FA2H: variants seen among roughly 807,000 people sequenced by gnomAD.
The protein encoded by FA2H is fatty acid alpha-hydroxylase.
A neutral mutation model predicts 44.9 loss-of-function variants in FA2H; 22 were observed. The observed-to-expected ratio is 0.49, with a 90% CI of 0.35 to 0.70. The LOEUF (loss-of-function observed/expected upper bound fraction) is 0.70, where lower values mean the gene tolerates loss of function less well. Among genes scored for constraint, FA2H ranks in the 30% least tolerant of loss-of-function variants. The probability of loss-of-function intolerance (pLI) is 0.01; values close to 1 mark genes in which losing one functional copy is unlikely to be tolerated. For missense variants in FA2H, 501 were observed against 504.9 expected (o/e 0.99, Z 0.07); for synonymous variants, 243 against 213.2 (o/e 1.14, Z -1.22).
intron 1 of FA2H, among the ~76,000 whole-genome samples, chr16:74,744,265 C>A (rs7190793): frequency 0.082 from 12,436 of 152,016 alleles, 543 homozygotes; most frequent in East Asian, 0.17. Context: ...AGGGTACAAC[C>A]CCAGCTTTAA....
At chr16:74,731,720 G>A (rs567519594) in intron 2 of FA2H, among the ~76,000 whole-genome samples, 1 of 152,092 alleles carries the variant, frequency 6.6e-6, no homozygotes, top group Admixed American at 6.5e-5. Flanking sequence ...TTCTTCCTTT[G>A]TCTTGTTTGT....
chr16:74,734,051 C>T (rs1326309334), intron 2 of FA2H, among the ~76,000 whole-genome samples: 1 of 152,222 alleles, frequency 6.6e-6, no homozygotes, highest in African/African-American at 2.4e-5. Context: ...ACTCCCACCA[C>T]ATTAGTGGGT....
intron 1 of FA2H, among the ~76,000 whole-genome samples, chr16:74,747,244 G>C (rs1001736127): frequency 6.6e-6 from 1 of 152,016 alleles, no homozygotes; most frequent in African/African-American, 2.4e-5. Flanking sequence ...CCAGGAAATG[G>C]AGGCTGCAGT....
At chr16:74,757,968 G>A (rs931452102) in intron 1 of FA2H, among the ~76,000 whole-genome samples, 8 of 152,128 alleles carry the variant, frequency 5.3e-5, no homozygotes, top group African/African-American at 1.9e-4. Flanking sequence ...GCAGTGAGCT[G>A]AGATAGCACC....
intron 2 of FA2H, among the ~76,000 whole-genome samples, chr16:74,729,755 C>T (rs894427595): frequency 1.3e-4 from 20 of 152,188 alleles, no homozygotes; most frequent in South Asian, 8.3e-4. Context: ...AGATCCTGGA[C>T]GTGCATCTTT....
intron 2 of FA2H, among the ~76,000 whole-genome samples, chr16:74,739,674 C>T (rs1311923546): frequency 6.6e-6 from 1 of 152,186 alleles, no homozygotes; most frequent in African/African-American, 2.4e-5. Context: ...TACCTTGTGC[C>T]CTGGTCAAAA....
intron 2 of FA2H, among the ~76,000 whole-genome samples, chr16:74,731,290 A>G (rs1597549960): frequency 7.1e-6 from 1 of 140,340 alleles, no homozygotes; most frequent in Admixed American, 7.1e-5. Flanking sequence ...GCCCACCACC[A>G]CGTCTGGCTT....
chr16:74,762,490 C>A (rs1962732802), intron 1 of FA2H, among the ~76,000 whole-genome samples: 1 of 152,182 alleles, frequency 6.6e-6, no homozygotes, highest in Admixed American at 6.5e-5. Flanking sequence ...CCTCTCCCAA[C>A]CCCTTGTCCT....
chr16:74,754,664 A>G (rs796171239), intron 1 of FA2H, among the ~76,000 whole-genome samples: 31 of 152,076 alleles, frequency 2.0e-4, no homozygotes, highest in African/African-American at 7.0e-4. Context: ...AGTAGCTGAG[A>G]CTACAGGTGC....
intron 1 of FA2H, among the ~76,000 whole-genome samples, 168 bp downstream of exon 1, chr16:74,774,318 G>A (rs900338381): frequency 3.3e-5 from 5 of 152,082 alleles, no homozygotes; most frequent in Admixed American, 1.3e-4. Context: ...AGGGGTTGGA[G>A]GGGACGACAG....
At chr16:74,728,533 T>G (rs565321272) in intron 2 of FA2H, among the ~76,000 whole-genome samples, 25 of 152,130 alleles carry the variant, frequency 1.6e-4, no homozygotes, top group Non-Finnish European at 3.7e-4. Flanking sequence ...GTTGTGGCCT[T>G]TCTGGCACCT....
intron 4 of FA2H, among the ~76,000 whole-genome samples, chr16:74,723,841 A>G (rs1961891428): frequency 6.6e-6 from 1 of 152,140 alleles, no homozygotes; most frequent in African/African-American, 2.4e-5. Context: ...GTTAGGATGG[A>G]GGTAACAGAG....
At chr16:74,734,407 G>A (rs1352691335) in intron 2 of FA2H, among the ~76,000 whole-genome samples, 1 of 152,238 alleles carries the variant, frequency 6.6e-6, no homozygotes, top group Non-Finnish European at 1.5e-5. Flanking sequence ...GGGATTTTTT[G>A]GTGATTCAAA....
intron 4 of FA2H, 60 bp downstream of exon 4, chr16:74,726,165 G>T: frequency 2.6e-6 from 3 of 1,154,740 alleles, no homozygotes; most frequent in Non-Finnish European, 3.9e-6. Context: ...GCCAGGGAAA[G>T]CACTGAGGTC....
At chr16:74,763,376 G>A (rs1962747222) in intron 1 of FA2H, among the ~76,000 whole-genome samples, 2 of 151,978 alleles carry the variant, frequency 1.3e-5, no homozygotes, top group Admixed American at 1.3e-4. Flanking sequence ...TCGTATCTCA[G>A]CCTTCCGAGT....
At position 74,713,553 on chromosome 16, in the gene FA2H, C is replaced by G. The variant is rs56033857; in HGVS notation, c.*637G>C. 46,339 of 152,322 alleles carry G rather than the reference C, an allele frequency of 0.3. 7,666 individuals are homozygous for G. The highest frequency in any genetic ancestry group is 0.36 in the Non-Finnish European group (24,817 of 68,080). The allele number at this position is 152,322 out of a possible 1,614,324, so 9.4% of individuals were successfully genotyped here. On this transcript the variant is annotated 3_prime_UTR_variant, in exon 7 of 7. Coordinates refer to ENST00000219368, the MANE Select transcript of FA2H (RefSeq NM_024306.5). The stretch of plus-strand genomic sequence containing the variant: ...GGGGAGGGACGGCAAGAAAAGCTGC[C>G]AGGTCCTAAAGCAAGCAGCTGGGAC...
In FA2H at chr16:74,726,295, C is replaced by G. The variant is rs750511573; in HGVS notation, c.543G>C (p.Leu181=). ...TTCGGTAGTAGGACCAGCTGAGATA[C>G]AGCACCAGGGGCACCCAGATGATGG... The part of the protein sequence containing the change: ...SVPIIWVPLV[L]YLSWSYYRTF... Residue 181 remains leucine (L), a synonymous_variant, in exon 4 of 7, where the codon CTG becomes CTC. Coordinates refer to ENST00000219368, the MANE Select transcript of FA2H (RefSeq NM_024306.5). 6.2e-7 allele frequency: 1 copy of G among 1,614,022 alleles called. No individual in the cohort carries two copies. The highest frequency in any genetic ancestry group is 8.5e-7 in the Non-Finnish European group (1 of 1,179,956).
chr16:74,716,679 G>A, intron 5 of FA2H, 80 bp from the exon 6 acceptor site: 1 of 1,456,826 alleles, frequency 6.9e-7, no homozygotes, highest in Non-Finnish European at 9.1e-7. Flanking sequence ...TCCCTGCAGA[G>A]GACAGGGGCA....
intron 1 of FA2H, among the ~76,000 whole-genome samples, chr16:74,766,488 C>A (rs1178786800): frequency 6.6e-6 from 1 of 152,036 alleles, no homozygotes; most frequent in Non-Finnish European, 1.5e-5. Context: ...TACTTAGGAG[C>A]CCTGCCATAA....
Sources: gnomAD v4.1 joint callset for allele counts (sites outside exome capture counted in the v4.1 genomes callset) on GRCh38, gnomAD v4.1.1 for gene constraint, MANE v1.5 for transcripts, NCBI Gene and HGNC (gene_info 2026-07-23, HGNC 2026-07-21) for gene names.